ZMIZ1: variants seen among roughly 807,000 people sequenced by gnomAD.
ZMIZ1 encodes zinc finger MIZ-type containing 1.
ZMIZ1 carries 17 observed loss-of-function variants against 113.9 expected under a neutral mutation model. That is an observed-to-expected ratio of 0.15 (90% CI 0.10 to 0.22). The LOEUF is 0.22. ZMIZ1 is among the 10% of genes least tolerant of loss of function. The probability of loss-of-function intolerance (pLI) is 1.00; values close to 1 mark genes in which losing one functional copy is unlikely to be tolerated. For missense variants in ZMIZ1, 1,059 were observed against 1,477.8 expected, an observed-to-expected ratio of 0.72 and a Z score of 4.65; for synonymous variants, 607 against 603.1, an observed-to-expected ratio of 1.01 and a Z score of -0.09.
In ZMIZ1 at chr10:79,314,348, C is replaced by T. The variant is rs75357091; in HGVS notation, c.*1599C>T. On this transcript the variant is annotated 3_prime_UTR_variant, in exon 25 of 25. Transcript: ENST00000334512. ...TGGGGCCCTTTCCTGCTCTCCCGTC[C>T]GCTGTGGGTGGTCCCCAGCTCTCCT... The T allele has an allele frequency of 0.012, 5,279 of 431,416 alleles. 143 individuals are homozygous for T. Among genetic ancestry groups the T allele is most frequent in the East Asian group, 0.086 (1,233 of 14,316 alleles). 26.7% of individuals were successfully genotyped at this position (431,416 alleles called of 1,614,324 possible). A position where few individuals can be genotyped will look rare whatever the true frequency, so the allele number is the denominator to read the frequency against.
intron 4 of ZMIZ1, among the ~76,000 whole-genome samples, chr10:79,178,294 A>G (rs897494926): frequency 6.6e-6 from 1 of 152,202 alleles, no homozygotes; most frequent in African/African-American, 2.4e-5. Flanking sequence ...CTACCAAGGC[A>G]CTGCTTACTG....
intron 5 of ZMIZ1, among the ~76,000 whole-genome samples, chr10:79,203,487 C>T (rs927834141): frequency 1.3e-5 from 2 of 152,162 alleles, no homozygotes; most frequent in African/African-American, 4.8e-5. Flanking sequence ...CCTAGCTCTA[C>T]CTTTCACTCC....
intron 2 of ZMIZ1, among the ~76,000 whole-genome samples, chr10:79,132,516 T>A (rs184826129): frequency 1.1e-3 from 164 of 152,250 alleles, no homozygotes; most frequent in Middle Eastern, 0.01. Context: ...CCACCTAAAT[T>A]CCTAAAAGTT....
chr10:79,185,812 C>A (rs201554100), intron 4 of ZMIZ1, among the ~76,000 whole-genome samples: 1 of 10,242 alleles, frequency 9.8e-5, no homozygotes, highest in East Asian at 8.9e-3. Flanking sequence ...AGAAAAGAAT[C>A]CCCCTGGAAT....
rs577760260 is a variant in ZMIZ1 at position 79,131,176 on chromosome 10, G to A, written c.-226-8506G>A. Among the ~76,000 whole-genome samples, 147 of 152,238 alleles carry A rather than the reference G, an allele frequency of 9.7e-4. 1 individual carries two copies. The highest frequency in any genetic ancestry group is 3.3e-3 in the African/African-American group (137 of 41,494). On this transcript the variant is annotated intron_variant, in intron 2 of 24. Coordinates refer to ENST00000334512, the MANE Select transcript of ZMIZ1 (RefSeq NM_020338.4). ...TAATAAGAATTTGTTGGGTTGAACC[G>A]ATATTCACCAAGCAAAGTCACCTCC... is the stretch of plus-strand genomic sequence containing the variant.
chr10:79,298,315 C>A, intron 14 of ZMIZ1, 91 bp from the exon 15 acceptor site: 1 of 1,405,526 alleles, frequency 7.1e-7, no homozygotes, highest in Non-Finnish European at 9.6e-7. Context: ...TGGCTCCAGG[C>A]CCCTGGGATG....
chr10:79,289,395 G>T (rs990290393), intron 8 of ZMIZ1, among the ~76,000 whole-genome samples: 1 of 152,302 alleles, frequency 6.6e-6, no homozygotes, highest in South Asian at 2.1e-4. Flanking sequence ...AAGGTGGTTT[G>T]GGGGAGCCCA....
intron 4 of ZMIZ1, among the ~76,000 whole-genome samples, chr10:79,194,260 A>G (rs1847739801): frequency 6.6e-6 from 1 of 152,258 alleles, no homozygotes; most frequent in African/African-American, 2.4e-5. Flanking sequence ...CTGTGTTGGC[A>G]TCCAGCATGT....
intron 7 of ZMIZ1, among the ~76,000 whole-genome samples, chr10:79,223,361 G>A (rs897228985): frequency 3.9e-5 from 6 of 152,312 alleles, no homozygotes; most frequent in African/African-American, 1.2e-4. Flanking sequence ...GCAGGCTGGG[G>A]CACCTTTTCA....
intron 1 of ZMIZ1, among the ~76,000 whole-genome samples, chr10:79,086,230 C>T (rs207471167): frequency 7.2e-5 from 11 of 152,300 alleles, no homozygotes; most frequent in Non-Finnish European, 1.6e-4. Context: ...GTCTCCCCGC[C>T]CCTCCTTACC....
At chr10:79,195,289 T>G (rs539770003) in intron 4 of ZMIZ1, among the ~76,000 whole-genome samples, 1 of 152,334 alleles carries the variant, frequency 6.6e-6, no homozygotes, top group South Asian at 2.1e-4. Context: ...CCCTATTCAC[T>G]CAGCAAAGCA....
At chr10:79,134,711 A>G (rs960648136) in intron 2 of ZMIZ1, among the ~76,000 whole-genome samples, 2 of 152,244 alleles carry the variant, frequency 1.3e-5, no homozygotes, top group Admixed American at 6.5e-5. Context: ...ATGTATGTTC[A>G]TGTAACTAAG....
At chr10:79,110,257 A>G (rs1843690038) in intron 1 of ZMIZ1, among the ~76,000 whole-genome samples, 1 of 152,168 alleles carries the variant, frequency 6.6e-6, no homozygotes, top group African/African-American at 2.4e-5. Flanking sequence ...ATGAGTGTGG[A>G]GCTTAGCACA....
chr10:79,144,253 TAG>T (rs1277473385), intron 3 of ZMIZ1, among the ~76,000 whole-genome samples: 1 of 152,162 alleles, frequency 6.6e-6, no homozygotes, highest in Non-Finnish European at 1.5e-5. Flanking sequence ...AAAACAGGGT[TAG>T]AGAGGAAAAT....
At chr10:79,264,814 A>G (rs553138939) in intron 7 of ZMIZ1, among the ~76,000 whole-genome samples, 1 of 152,218 alleles carries the variant, frequency 6.6e-6, no homozygotes, top group Non-Finnish European at 1.5e-5. Flanking sequence ...GGCACTTTGC[A>G]GAAGCATTTA....
intron 1 of ZMIZ1, among the ~76,000 whole-genome samples, chr10:79,081,314 T>TC (rs1842651267): frequency 6.6e-6 from 1 of 152,104 alleles, no homozygotes; most frequent in Admixed American, 6.5e-5. Context: ...CCTTCTTATA[T>TC]CCCCTGGGCC....
At chr10:79,158,005 C>T (rs143777331) in intron 3 of ZMIZ1, among the ~76,000 whole-genome samples, 535 of 152,320 alleles carry the variant, frequency 3.5e-3, no homozygotes, top group African/African-American at 0.012. Flanking sequence ...GCTGGTTCCG[C>T]CAGCTTGGCC....
At chr10:79,172,795 T>C (rs759066101) in intron 4 of ZMIZ1, among the ~76,000 whole-genome samples, 1 of 152,258 alleles carries the variant, frequency 6.6e-6, no homozygotes, top group East Asian at 1.9e-4. Flanking sequence ...TATCAAACTT[T>C]ACACAGGTCC....
At chr10:79,083,121 C>T (rs1372388413) in intron 1 of ZMIZ1, among the ~76,000 whole-genome samples, 1 of 152,228 alleles carries the variant, frequency 6.6e-6, no homozygotes, top group African/African-American at 2.4e-5. Context: ...CAACTTAATG[C>T]ATGACATCAT....
Sources: gnomAD v4.1 joint callset for allele counts (sites outside exome capture counted in the v4.1 genomes callset) on GRCh38, gnomAD v4.1.1 for gene constraint, MANE v1.5 for transcripts, NCBI Gene and HGNC (gene_info 2026-07-23, HGNC 2026-07-21) for gene names.